TNFRSF8: variants seen among roughly 807,000 people sequenced by gnomAD.
TNFRSF8 encodes the protein tumor necrosis factor receptor superfamily member 8.
In TNFRSF8, 26 loss-of-function variants were observed where a neutral mutation model predicts 70.8. The ratio of observed to expected loss-of-function variants is 0.37; its 90% confidence interval spans 0.27 to 0.51. The LOEUF (loss-of-function observed/expected upper bound fraction) is 0.51, where lower values mean the gene tolerates loss of function less well. TNFRSF8 is among the 20% of genes least tolerant of loss of function. The pLI is 0.94. For synonymous variants in TNFRSF8, 356 were observed against 339.2 expected (o/e 1.05, Z -0.54); for missense variants, 720 against 807.9 (o/e 0.89, Z 1.32).
intron 4 of TNFRSF8, among the ~76,000 whole-genome samples, chr1:12,105,988 T>A (rs552885115): frequency 6.7e-4 from 101 of 151,576 alleles, no homozygotes; most frequent in Non-Finnish European, 1.3e-3. Flanking sequence ...CACGGTGTCC[T>A]TCAGGTCCCA....
chr1:12,105,216 C>A (rs1464129220), intron 4 of TNFRSF8, among the ~76,000 whole-genome samples: 1 of 152,096 alleles, frequency 6.6e-6, no homozygotes, highest in African/African-American at 2.4e-5. Flanking sequence ...AGAGGCAGCC[C>A]TGTGTCCACT....
intron 1 of TNFRSF8, among the ~76,000 whole-genome samples, chr1:12,070,460 C>T (rs1934150): frequency 0.48 from 72,611 of 151,862 alleles, 18,097 homozygotes; most frequent in Admixed American, 0.6. Context: ...TTCACCGTGT[C>T]AGCCAGGATG....
intron 2 of TNFRSF8, among the ~76,000 whole-genome samples, chr1:12,085,733 G>A (rs1305883062): frequency 6.6e-6 from 1 of 152,220 alleles, no homozygotes; most frequent in Non-Finnish European, 1.5e-5. Flanking sequence ...GCTGGGGTGA[G>A]TGTTGTTCCT....
intron 1 of TNFRSF8, among the ~76,000 whole-genome samples, chr1:12,073,623 T>G (rs1350567052): frequency 2.0e-5 from 3 of 148,976 alleles, no homozygotes; most frequent in African/African-American, 7.4e-5. Context: ...TGACAGAGTC[T>G]CACTCTGTCG....
intron 1 of TNFRSF8, among the ~76,000 whole-genome samples, chr1:12,075,603 C>T (rs1250729134): frequency 6.6e-6 from 1 of 152,182 alleles, no homozygotes; most frequent in Admixed American, 6.5e-5. Context: ...GGGTTCACAA[C>T]CTCGATGCCA....
intron 1 of TNFRSF8, chr1:12,080,239 G>C (rs139242792): frequency 9.7e-6 from 5 of 516,962 alleles, no homozygotes; most frequent in African/African-American, 9.6e-5. Flanking sequence ...ATGAGCCACC[G>C]TGCCCAGCCA....
chr1:12,142,645 C>T lies in TNFRSF8; in HGVS notation c.*114C>T. 7.2e-7 allele frequency: 1 copy of T among 1,379,978 alleles called. No individual in the cohort carries two copies. Among genetic ancestry groups the T allele is most frequent in the African/African-American group, 1.4e-5 (1 of 69,162 alleles). The allele number at this position is 1,379,978 out of a possible 1,614,324, so 85.5% of individuals were successfully genotyped here. A position where few individuals can be genotyped will look rare whatever the true frequency, so the allele number is the denominator to read the frequency against. On this transcript the variant is annotated 3_prime_UTR_variant, in exon 15 of 15. Transcript: ENST00000263932. The surrounding 1 kb of genome is among the most constrained non-coding windows in gnomAD (Gnocchi z 5.0). ...GCCCATCTGGCCTGAACTGAGGCTC[C>T]AGCATCTAGTGGTGGACCGGCCGGT...
At chr1:12,067,680 AAAAG>A (rs1640765460) in intron 1 of TNFRSF8, among the ~76,000 whole-genome samples, 1 of 152,048 alleles carries the variant, frequency 6.6e-6, no homozygotes, top group African/African-American at 2.4e-5. Flanking sequence ...TTTAAAAAAA[AAAAG>A]AGGAATTTTA....
rs779191980 is a variant in TNFRSF8, at chr1:12,088,428, G to A, written c.151+3877G>A. 5.3e-5 allele frequency among the ~76,000 whole-genome samples: 8 copies of A among 151,918 alleles called. No homozygotes were observed. Among genetic ancestry groups the A allele is most frequent in the African/African-American group, 9.7e-5 (4 of 41,346 alleles). ...CCACATGCGTATCAGTGGCTCAGCCGGGCCGTGAACATGACCACCGAGTGC... is the reference window on the plus strand; with the variant it reads ...CCACATGCGTATCAGTGGCTCAGCCAGGCCGTGAACATGACCACCGAGTGC... On this transcript the variant is annotated intron_variant, in intron 2 of 14. Coordinates refer to ENST00000263932, the MANE Select transcript of TNFRSF8 (RefSeq NM_001243.5). This position sits in a 1 kb window ranked among gnomAD's most constrained non-coding sequence, Gnocchi z 4.0.
intron 1 of TNFRSF8, among the ~76,000 whole-genome samples, chr1:12,075,322 G>A (rs1210656789): frequency 6.6e-6 from 1 of 151,320 alleles, no homozygotes; most frequent in African/African-American, 2.4e-5. Flanking sequence ...CTGGGCTTAA[G>A]CAATCCTCCC....
In TNFRSF8 at chr1:12,123,392, C is replaced by G; in HGVS notation, c.1040+15C>G. On this transcript the variant is annotated intron_variant, in intron 9 of 14. Transcript: ENST00000263932. ...GCGCCTGCCAGGTGACTCCCCCACC[C>G]CTTCTCTCTGTTTGGCTGCTGCAGG... is the stretch of plus-strand genomic sequence containing the variant. The G allele has an allele frequency of 6.9e-6, 11 of 1,595,618 alleles. No homozygotes were observed. The highest frequency in any genetic ancestry group is 8.5e-6 in the Non-Finnish European group (10 of 1,170,962).
At chr1:12,091,407 A>C (rs1284814314) in intron 2 of TNFRSF8, among the ~76,000 whole-genome samples, 1 of 152,052 alleles carries the variant, frequency 6.6e-6, no homozygotes. Context: ...AGGGTGAGGG[A>C]GCTGGGGTAT....
intron 1 of TNFRSF8, among the ~76,000 whole-genome samples, chr1:12,082,564 C>A (rs79277157): frequency 0.03 from 3,905 of 130,148 alleles, 108 homozygotes; most frequent in African/African-American, 0.07. Context: ...AAAAAAAAAA[C>A]AAAAACAAAA....
chr1:12,089,238 C>T lies in TNFRSF8; in HGVS notation c.151+4687C>T, dbSNP rs147779601. On this transcript the variant is annotated intron_variant, in intron 2 of 14. Transcript: ENST00000263932. ...CTAACACTCCTTCCATGTGTCATGA[C>T]TTGTCTATCGTCTTCCTGCAGGATC... Among the ~76,000 whole-genome samples the T allele has an allele frequency of 7.7e-3, 1,169 of 152,232 alleles. 11 individuals are homozygous for T. The highest frequency in any genetic ancestry group is 0.012 in the Non-Finnish European group (787 of 68,022).
chr1:12,072,361 G>T (rs891884870), intron 1 of TNFRSF8, among the ~76,000 whole-genome samples: 1 of 152,170 alleles, frequency 6.6e-6, no homozygotes, highest in Non-Finnish European at 1.5e-5. Flanking sequence ...ACAGAAGAGA[G>T]GGTGGCCAGT....
Position 12,096,980 on chromosome 1 carries a change from C to T in TNFRSF8, c.152-121C>T, listed in dbSNP as rs6665743. On this transcript the variant is annotated intron_variant, in intron 2 of 14. Coordinates refer to ENST00000263932, the MANE Select transcript of TNFRSF8 (RefSeq NM_001243.5). ...ATCCATAACACAAGAATTGGACTGA[C>T]AGTTTTCGGGGGTTGGAGGTGGAGC... is the stretch of plus-strand genomic sequence containing the variant. The T allele has an allele frequency of 6.9e-3, 4,848 of 701,616 alleles. 174 individuals are homozygous for T. In the African/African-American group the frequency reaches 0.074, roughly 11 times the overall value. 43.5% of individuals were successfully genotyped at this position (701,616 alleles called of 1,614,324 possible).
In TNFRSF8 at chr1:12,115,665, C is replaced by T; in HGVS notation, c.882C>T (p.Thr294=). ...RPGMICATSA[T]NSCARCVPYP... is the part of the protein sequence containing the mutation. The stretch of plus-strand genomic sequence containing the variant: ...GCATGATCTGTGCCACATCAGCCAC[C>T]AACTCCTGTGCCCGCTGTGTCCCCT... Residue 294 remains threonine, a synonymous_variant, in exon 8 of 15, where the codon ACC becomes ACT. Coordinates refer to ENST00000263932, the MANE Select transcript of TNFRSF8 (RefSeq NM_001243.5). 1 of 1,614,182 alleles carries T rather than the reference C, an allele frequency of 6.2e-7. No individual in the cohort carries two copies. Among genetic ancestry groups the T allele is most frequent in the Non-Finnish European group, 8.5e-7 (1 of 1,180,018 alleles).
At chr1:12,085,966 G>T (rs994255999) in intron 2 of TNFRSF8, among the ~76,000 whole-genome samples, 14 of 152,230 alleles carry the variant, frequency 9.2e-5, no homozygotes, top group African/African-American at 3.4e-4. Flanking sequence ...GTGGGAGGGA[G>T]TCTGTGTGTG....
intron 1 of TNFRSF8, among the ~76,000 whole-genome samples, chr1:12,071,259 C>T (rs969715989): frequency 5.9e-5 from 9 of 152,004 alleles, no homozygotes; most frequent in African/African-American, 2.2e-4. Context: ...GCCAACATGG[C>T]GAAACCCTGT....
Sources: allele counts gnomAD v4.1 joint callset (sites outside exome capture counted in the v4.1 genomes callset), GRCh38; gene constraint gnomAD v4.1.1; non-coding constraint Gnocchi (gnomAD v3.1); transcripts MANE v1.5; gene names NCBI Gene and HGNC (gene_info 2026-07-23, HGNC 2026-07-21).